The following ROBO1 variants were observed in gnomAD, a reference collection of about 807,000 sequenced individuals.
ROBO1 encodes the protein roundabout homolog 1.
In ROBO1, 149 loss-of-function variants were observed where a neutral mutation model predicts 195.9. The observed-to-expected ratio is 0.76, with a 90% confidence interval of 0.67 to 0.87. The LOEUF (loss-of-function observed/expected upper bound fraction) is 0.87, where lower values mean the gene tolerates loss of function less well. ROBO1 is among the 40% of genes least tolerant of loss of function. The probability of loss-of-function intolerance (pLI) is 0.00; values close to 1 mark genes in which losing one functional copy is unlikely to be tolerated. For synonymous variants in ROBO1, 816 were observed against 733.2 expected (o/e 1.11, Z -1.82); for missense variants, 1,933 against 2,068.3 (o/e 0.93, Z 1.27).
chr3:78,973,404 C>CAT lies in ROBO1; in HGVS notation c.173-34479_173-34478dup, dbSNP rs10575015. Among the ~76,000 whole-genome samples the CAT allele has an allele frequency of 5.7e-3, 815 of 142,094 alleles. 8 individuals are homozygous for CAT. The highest frequency in any genetic ancestry group is 0.043 in the East Asian group (209 of 4,884). The allele number at this position is 142,094 out of a possible 152,430, so 93.2% of individuals were successfully genotyped here. ...GACTAATACTCAATTATATACCTTT[C>CAT]ATATATATATATATATGAAGCTATA... is the stretch of plus-strand genomic sequence containing the variant. On this transcript the variant is annotated intron_variant, in intron 3 of 30. Transcript: ENST00000464233.
At chr3:79,481,211 G>A (rs980024293) in intron 2 of ROBO1, among the ~76,000 whole-genome samples, 2 of 152,102 alleles carry the variant, frequency 1.3e-5, no homozygotes, top group African/African-American at 4.8e-5. Context: ...GTAAAAGACT[G>A]AGGAATTTAT....
intron 4 of ROBO1, among the ~76,000 whole-genome samples, chr3:78,830,795 T>A (rs2032107734): frequency 6.6e-6 from 1 of 152,184 alleles, no homozygotes; most frequent in Non-Finnish European, 1.5e-5. Context: ...AGCATATAAA[T>A]CTAGAAATAG....
In ROBO1 at chr3:78,799,576, C is replaced by CAG. The variant is rs536075691; in HGVS notation, c.500-52677_500-52676insCT. Among the ~76,000 whole-genome samples, 367 of 152,084 alleles carry CAG rather than the reference C, an allele frequency of 2.4e-3. 1 individual carries two copies. Among genetic ancestry groups the CAG allele is most frequent in the African/African-American group, 7.6e-3 (316 of 41,494 alleles). ...CAGGATGGTCTCGATCTCCTGACCT[C>CAG]GTGATCCACCCACCTTGGCCTCCCA... On this transcript the variant is annotated intron_variant, in intron 4 of 30. Coordinates refer to ENST00000464233, the MANE Select transcript of ROBO1 (RefSeq NM_002941.4).
intron 2 of ROBO1, among the ~76,000 whole-genome samples, chr3:79,503,938 C>T (rs1940255010): frequency 6.6e-6 from 1 of 152,118 alleles, no homozygotes; most frequent in Non-Finnish European, 1.5e-5. Context: ...CATTTATCAG[C>T]CTTACTTTAC....
chr3:79,179,248 A>G (rs1345802319), intron 2 of ROBO1, among the ~76,000 whole-genome samples: 1 of 152,244 alleles, frequency 6.6e-6, no homozygotes, highest in African/African-American at 2.4e-5. Context: ...GTTTAGGTCA[A>G]TTTAGTCTAC....
At chr3:78,808,298 A>T (rs2084615822) in intron 4 of ROBO1, among the ~76,000 whole-genome samples, 2 of 151,990 alleles carry the variant, frequency 1.3e-5, no homozygotes, top group South Asian at 4.2e-4. Flanking sequence ...TCTGCCTCCC[A>T]GATTCAAGCA....
intron 10 of ROBO1, among the ~76,000 whole-genome samples, chr3:78,680,369 A>G (rs2080867361): frequency 1.3e-5 from 2 of 152,202 alleles, no homozygotes; most frequent in East Asian, 1.9e-4. Context: ...GCACAGCAAA[A>G]GAAACTACCA....
chr3:78,929,828 A>T (rs1467784914), intron 4 of ROBO1, among the ~76,000 whole-genome samples: 1 of 152,058 alleles, frequency 6.6e-6, no homozygotes, highest in African/African-American at 2.4e-5. Flanking sequence ...CTTATCAGTT[A>T]GGAAGAGCTG....
At chr3:79,733,400 G>A in intron 1 of ROBO1, among the ~76,000 whole-genome samples, 1 of 151,974 alleles carries the variant, frequency 6.6e-6, no homozygotes. Context: ...TTTTTCCCTT[G>A]TGAGAAAAAT....
intron 3 of ROBO1, among the ~76,000 whole-genome samples, chr3:79,061,206 AACAG>A (rs2078911193): frequency 6.6e-6 from 1 of 152,208 alleles, no homozygotes; most frequent in Non-Finnish European, 1.5e-5. Flanking sequence ...ATACGCTAAT[AACAG>A]ACAAACACAG....
rs189077980 is a variant in ROBO1, at chr3:79,051,981, A to G, written c.172+73475T>C. ...TGCATTATCTGTACAAATTGTTTGT[A>G]AAACATATGTGTTTGAACAATATGA... On this transcript the variant is annotated intron_variant, in intron 3 of 30. Coordinates refer to ENST00000464233, the MANE Select transcript of ROBO1 (RefSeq NM_002941.4). Among the ~76,000 whole-genome samples, 5 of 152,236 alleles carry G rather than the reference A, an allele frequency of 3.3e-5. No homozygotes were observed. In the East Asian group the frequency reaches 9.7e-4, roughly 30 times the overall value.
intron 2 of ROBO1, among the ~76,000 whole-genome samples, chr3:79,579,015 A>G (rs34604641): frequency 0.12 from 19,001 of 152,060 alleles, 1,355 homozygotes; most frequent in African/African-American, 0.18. Context: ...TATATATTGT[A>G]TTTTATCAAT....
At chr3:79,070,844 C>T (rs2079075644) in intron 3 of ROBO1, among the ~76,000 whole-genome samples, 1 of 151,548 alleles carries the variant, frequency 6.6e-6, no homozygotes, top group Non-Finnish European at 1.5e-5. Flanking sequence ...ATCTTTAATG[C>T]CTTTTAATTG....
chr3:79,398,281 T>C (rs1272337185), intron 2 of ROBO1, among the ~76,000 whole-genome samples: 2 of 152,126 alleles, frequency 1.3e-5, no homozygotes, highest in African/African-American at 4.8e-5. Context: ...CATACTAATA[T>C]GTTCACTGAA....
chr3:78,967,596 C>G (rs972748368), intron 3 of ROBO1, among the ~76,000 whole-genome samples: 3 of 152,100 alleles, frequency 2.0e-5, no homozygotes, highest in African/African-American at 7.2e-5. Flanking sequence ...TTGTTAAAAA[C>G]CTTTTTGTTT....
At chr3:79,545,079 T>TA (rs1443903222) in intron 2 of ROBO1, among the ~76,000 whole-genome samples, 1 of 152,074 alleles carries the variant, frequency 6.6e-6, no homozygotes, top group East Asian at 1.9e-4. Flanking sequence ...AGTATCCCTG[T>TA]AAAAAATGGA....
intron 2 of ROBO1, among the ~76,000 whole-genome samples, chr3:79,577,620 A>T (rs1215796371): frequency 6.6e-6 from 1 of 152,056 alleles, no homozygotes; most frequent in African/African-American, 2.4e-5. Flanking sequence ...ACATACCTGT[A>T]ATCCCAGCAC....
intron 10 of ROBO1, among the ~76,000 whole-genome samples, chr3:78,678,767 T>C (rs1389907622): frequency 1.3e-5 from 2 of 152,142 alleles, no homozygotes; most frequent in Admixed American, 1.3e-4. Flanking sequence ...CTGATACCAT[T>C]CCTTCTGAAA....
chr3:78,748,506 T>C (rs1232182791), intron 4 of ROBO1, among the ~76,000 whole-genome samples: 1 of 152,068 alleles, frequency 6.6e-6, no homozygotes, highest in Non-Finnish European at 1.5e-5. Flanking sequence ...TATTTGAATT[T>C]AATATTTATT....
Sources: allele counts gnomAD v4.1 joint callset (sites outside exome capture counted in the v4.1 genomes callset), GRCh38; gene constraint gnomAD v4.1.1; transcripts MANE v1.5; gene names NCBI Gene and HGNC (gene_info 2026-07-23, HGNC 2026-07-21).